The following CNTNAP2 variants were observed in gnomAD, a reference collection of about 807,000 sequenced individuals.
CNTNAP2 encodes the protein contactin associated protein 2, also known as contactin-associated protein-like 2.
In CNTNAP2, 98 loss-of-function variants were observed where a neutral mutation model predicts 155.2. That is an observed-to-expected ratio of 0.63 (90% CI 0.54 to 0.75). The LOEUF is 0.75. Among genes scored for constraint, CNTNAP2 ranks in the 30% least tolerant of loss-of-function variants. The pLI is 0.00. For missense variants in CNTNAP2, 1,727 were observed against 1,688.1 expected, an observed-to-expected ratio of 1.02 and a Z score of -0.40; for synonymous variants, 651 against 631.2, an observed-to-expected ratio of 1.03 and a Z score of -0.47.
intron 13 of CNTNAP2, among the ~76,000 whole-genome samples, chr7:147,789,138 C>T (rs1460946606): frequency 3.9e-5 from 6 of 151,948 alleles, no homozygotes; most frequent in Non-Finnish European, 4.4e-5. Flanking sequence ...AACTCCTGAC[C>T]TCAAGTGATC....
intron 1 of CNTNAP2, among the ~76,000 whole-genome samples, chr7:146,422,092 AAATT>A (rs1379290967): frequency 1.3e-5 from 2 of 151,376 alleles, no homozygotes; most frequent in Non-Finnish European, 3.0e-5. Flanking sequence ...TTATTTTTTA[AAATT>A]AATTCTTATC....
At position 147,320,902 on chromosome 7, in the gene CNTNAP2, T is replaced by C. The variant is rs1237340681; in HGVS notation, c.1498+20612T>C. On this transcript the variant is annotated intron_variant, in intron 9 of 23. Coordinates refer to ENST00000361727, the MANE Select transcript of CNTNAP2 (RefSeq NM_014141.6). ...CTGACCTCCTGCTGATACAAATTAG[T>C]GATTAAGGACTGCTGAAGTCATTGA... 2.6e-5 allele frequency among the ~76,000 whole-genome samples: 4 copies of C among 152,278 alleles called. No individual in the cohort carries two copies. The East Asian group carries it at 5.8e-4, about 22-fold the overall frequency.
At chr7:146,306,782 C>G (rs569118728) in intron 1 of CNTNAP2, among the ~76,000 whole-genome samples, 2 of 152,290 alleles carry the variant, frequency 1.3e-5, no homozygotes, top group South Asian at 4.1e-4. Flanking sequence ...AATGCAACAT[C>G]CCTTCATGCT....
intron 1 of CNTNAP2, among the ~76,000 whole-genome samples, chr7:146,513,405 T>C (rs931772144): frequency 1.3e-5 from 2 of 151,890 alleles, no homozygotes; most frequent in Non-Finnish European, 2.9e-5. Context: ...TCCGTTTGGG[T>C]TTAGTAATTT....
chr7:146,991,097 T>G (rs1798200662), intron 3 of CNTNAP2, among the ~76,000 whole-genome samples: 1 of 151,990 alleles, frequency 6.6e-6, no homozygotes, highest in Admixed American at 6.6e-5. Flanking sequence ...TTTAAAAAAC[T>G]TTTAAAGGCT....
rs370687927 is a variant in CNTNAP2 at position 146,252,975 on chromosome 7, A to C, written c.97+136002A>C. Among the ~76,000 whole-genome samples, 62 of 152,332 alleles carry C rather than the reference A, an allele frequency of 4.1e-4. No individual in the cohort carries two copies. In the South Asian group the frequency reaches 0.012, roughly 30 times the overall value. ...TGTATTAAATGCTCCACTCTACACTAAAAGCTTTATGTACAGTCTTATTCC... is the reference window on the plus strand; with the variant it reads ...TGTATTAAATGCTCCACTCTACACTCAAAGCTTTATGTACAGTCTTATTCC... On this transcript the variant is annotated intron_variant, in intron 1 of 23. Transcript: ENST00000361727.
chr7:146,561,469 A>G (rs1280580307), intron 1 of CNTNAP2, among the ~76,000 whole-genome samples: 4 of 152,102 alleles, frequency 2.6e-5, no homozygotes, highest in Non-Finnish European at 5.9e-5. Flanking sequence ...AGCCTAGGCA[A>G]CATAATGAGA....
At chr7:146,744,028 A>C (rs969399854) in intron 1 of CNTNAP2, among the ~76,000 whole-genome samples, 7 of 151,966 alleles carry the variant, frequency 4.6e-5, no homozygotes, top group Admixed American at 6.6e-5. Flanking sequence ...GGAGTTTGAG[A>C]CCAGCCTTGC....
At chr7:147,295,487 T>A (rs1317910109) in intron 8 of CNTNAP2, among the ~76,000 whole-genome samples, 1 of 152,186 alleles carries the variant, frequency 6.6e-6, no homozygotes, top group East Asian at 1.9e-4. Flanking sequence ...TCCTTCCCTA[T>A]ATACTGGAGA....
rs770653132 is a variant in CNTNAP2 at position 147,044,050 on chromosome 7, T to C, written c.546T>C (p.Ser182=). 6.2e-7 allele frequency: 1 copy of C among 1,614,148 alleles called. No homozygotes were observed. Among genetic ancestry groups the C allele is most frequent in the Non-Finnish European group, 8.5e-7 (1 of 1,179,992 alleles). Reference sequence around the variant, plus strand: ...TCAGAATTGAAGTTTATGGCTGTTCTTACTGTGAGTATCGTATTGTTTAAA... The same window carrying C: ...TCAGAATTGAAGTTTATGGCTGTTCCTACTGTGAGTATCGTATTGTTTAAA... ...IGLRIEVYGC[S]YWADVINFDG... Residue 182 remains serine (S), a synonymous_variant, in exon 4 of 24, where the codon TCT becomes TCC. Coordinates refer to ENST00000361727, the MANE Select transcript of CNTNAP2 (RefSeq NM_014141.6).
chr7:148,213,492 C>T (rs746188668), intron 18 of CNTNAP2, among the ~76,000 whole-genome samples: 6 of 152,058 alleles, frequency 3.9e-5, no homozygotes, highest in African/African-American at 7.2e-5. Flanking sequence ...GAATTTCAAG[C>T]GCCTGGTATG....
At chr7:146,157,248 C>T (rs916729289) in intron 1 of CNTNAP2, among the ~76,000 whole-genome samples, 1 of 151,930 alleles carries the variant, frequency 6.6e-6, no homozygotes, top group Non-Finnish European at 1.5e-5. Flanking sequence ...TATTTCTGTA[C>T]TCTTCTTCAA....
chr7:146,372,680 G>T (rs2129102983), intron 1 of CNTNAP2, among the ~76,000 whole-genome samples: 1 of 152,272 alleles, frequency 6.6e-6, no homozygotes, highest in African/African-American at 2.4e-5. Flanking sequence ...CCTAAATGAA[G>T]ACCAGGAGTG....
chr7:148,313,134 A>G (rs529363768), intron 21 of CNTNAP2, among the ~76,000 whole-genome samples: 146 of 151,820 alleles, frequency 9.6e-4, no homozygotes, highest in African/African-American at 3.2e-3. Flanking sequence ...AAGCCTGGCC[A>G]TCAATACCCA....
Position 146,795,634 on chromosome 7 carries a change from G to A in CNTNAP2, c.208+21253G>A, listed in dbSNP as rs767116448. Among the ~76,000 whole-genome samples, 60 of 152,292 alleles carry A rather than the reference G, an allele frequency of 3.9e-4. 1 individual carries two copies. The highest frequency in any genetic ancestry group is 4.6e-4 in the Admixed American group (7 of 15,298). The stretch of plus-strand genomic sequence containing the variant: ...CTTTATATGCCTACATCTATCAGAC[G>A]TTGGTTACTTTTCCCAATTTCCCAA... On this transcript the variant is annotated intron_variant, in intron 2 of 23. Coordinates refer to ENST00000361727, the MANE Select transcript of CNTNAP2 (RefSeq NM_014141.6).
At chr7:147,157,367 A>T (rs548368731) in intron 8 of CNTNAP2, among the ~76,000 whole-genome samples, 1 of 152,130 alleles carries the variant, frequency 6.6e-6, no homozygotes, top group South Asian at 2.1e-4. Context: ...ATCAGGAGGA[A>T]GAGGCTACTT....
In CNTNAP2 at chr7:146,505,282, T is replaced by C. The variant is rs1089452; in HGVS notation, c.98-268989T>C. ...TCAACTCATCGTAGGTGTGGGACCA[T>C]TCCACAATGCTGTTGGAGCATGTCA... On this transcript the variant is annotated intron_variant, in intron 1 of 23. Coordinates refer to ENST00000361727, the MANE Select transcript of CNTNAP2 (RefSeq NM_014141.6). Among the ~76,000 whole-genome samples the C allele has an allele frequency of 2.1e-3, 324 of 152,322 alleles. 3 individuals carry two copies. The highest frequency in any genetic ancestry group is 7.3e-3 in the African/African-American group (303 of 41,588).
chr7:148,076,422 C>CTTTTTTTTTTTTTTTTTTTT (rs771048326), intron 15 of CNTNAP2, among the ~76,000 whole-genome samples: 3 of 49,802 alleles, frequency 6.0e-5, no homozygotes, highest in East Asian at 8.0e-4. Context: ...GCTCTGACTT[C>CTTTTTTTTTTTTTTTTTTTT]TTTTTTTTTT....
chr7:147,487,776 C>T (rs1299724502), intron 11 of CNTNAP2, among the ~76,000 whole-genome samples: 1 of 151,922 alleles, frequency 6.6e-6, no homozygotes, highest in African/African-American at 2.4e-5. Context: ...GGTAATGACT[C>T]CAAGGATTAG....
Sources: allele counts gnomAD v4.1 joint callset (sites outside exome capture counted in the v4.1 genomes callset), GRCh38; gene constraint gnomAD v4.1.1; transcripts MANE v1.5; gene names NCBI Gene and HGNC (gene_info 2026-07-23, HGNC 2026-07-21).